Variants in RARB observed in about 807,000 individuals in gnomAD.
RARB encodes the protein HBV-activated protein.
A neutral mutation model predicts 51.9 loss-of-function variants in RARB; 17 were observed. That is an observed-to-expected ratio of 0.33 (90% CI 0.22 to 0.49). RARB has a LOEUF of 0.49. Among genes scored for constraint, RARB ranks in the 20% least tolerant of loss-of-function variants. RARB has a pLI of 0.99. For missense variants in RARB, 369 were observed against 550.8 expected (o/e 0.67, Z 3.30); for synonymous variants, 215 against 195.4 (o/e 1.10, Z -0.84).
rs184962732 is a variant in RARB at position 25,302,795 on chromosome 3, A to G, written c.178+128220A>G. On this transcript the variant is annotated intron_variant, in intron 5 of 11. Coordinates refer to the RARB transcript ENST00000383772. ...TCAAGCCATTTTTTAAAAAGCCTCC[A>G]CCAAAGCTGGGCTGTGCCCCCATGG... Among the ~76,000 whole-genome samples, 522 of 152,268 alleles carry G rather than the reference A, an allele frequency of 3.4e-3. 10 individuals carry two copies. The highest frequency in any genetic ancestry group is 0.031 in the Admixed American group (472 of 15,292).
chr3:25,005,513 G>A (rs1215305590), intron 2 of RARB, among the ~76,000 whole-genome samples: 1 of 152,142 alleles, frequency 6.6e-6, no homozygotes, highest in Non-Finnish European at 1.5e-5. Context: ...GGCATCTCTA[G>A]AGGCCTGCAT....
upstream of RARB, among the ~76,000 whole-genome samples, chr3:25,425,270 G>A (rs78060455): frequency 2.1e-3 from 327 of 152,114 alleles, 1 homozygote; most frequent in African/African-American, 7.4e-3. Flanking sequence ...TATAGTGCAC[G>A]GATCTGTATT....
chr3:25,309,644 C>T (rs375678484), intron 5 of RARB, among the ~76,000 whole-genome samples: 13 of 151,218 alleles, frequency 8.6e-5, no homozygotes, highest in African/African-American at 1.5e-4. Context: ...ATTACAGGTG[C>T]GCACCACCAC....
chr3:25,555,069 TTA>T (rs1202839171), intron 3 of RARB, among the ~76,000 whole-genome samples: 1 of 152,220 alleles, frequency 6.6e-6, no homozygotes, highest in Non-Finnish European at 1.5e-5. Flanking sequence ...AACATGAGTT[TTA>T]GAGGGGAAAA....
intron 3 of RARB, among the ~76,000 whole-genome samples, chr3:25,109,955 T>C (rs1699572327): frequency 6.6e-6 from 1 of 152,212 alleles, no homozygotes; most frequent in African/African-American, 2.4e-5. Flanking sequence ...GCTTCCCATC[T>C]CGCTTATGAG....
intron 5 of RARB, among the ~76,000 whole-genome samples, chr3:25,260,801 C>G (rs1401390240): frequency 6.6e-6 from 1 of 152,122 alleles, no homozygotes; most frequent in Admixed American, 6.6e-5. Flanking sequence ...TGACCTTAGG[C>G]AAGTTGATTA....
At chr3:25,319,022 A>C (rs151036270) in intron 5 of RARB, among the ~76,000 whole-genome samples, 254 of 152,344 alleles carry the variant, frequency 1.7e-3, no homozygotes, top group Non-Finnish European at 3.2e-3. Context: ...GACGTAATTT[A>C]GCTGTTAATG....
Position 25,580,658 on chromosome 3 carries a change from G to T in RARB, c.722G>T (p.Gly241Val). The change falls in exon 5 of 8, where the codon GGT becomes GTT. Residue 241 changes from glycine to valine, a missense_variant. Around this residue, in one of 9 missense-constraint regions of RARB, gnomAD observed 49 missense variants for 103.4 expected, o/e 0.47. Coordinates refer to ENST00000330688, the MANE Select transcript of RARB (RefSeq NM_000965.5). ...GTGGAGTTTGCTAAACGTCTGCCTG[G>T]TTTCACTGGCTTGACCATCGCAGAC... ...KIVEFAKRLP[G>V]FTGLTIADQI... 6.2e-7 allele frequency: 1 copy of T among 1,613,120 alleles called. No individual in the cohort carries two copies. Among genetic ancestry groups the T allele is most frequent in the Non-Finnish European group, 8.5e-7 (1 of 1,179,246 alleles).
chr3:25,220,282 G>A (rs958029762), intron 5 of RARB, among the ~76,000 whole-genome samples: 2 of 152,132 alleles, frequency 1.3e-5, no homozygotes. Flanking sequence ...CAATTTTTCT[G>A]TATGTAGGAA....
intron 5 of RARB, among the ~76,000 whole-genome samples, chr3:25,242,481 T>C (rs1702457238): frequency 6.6e-6 from 1 of 152,184 alleles, no homozygotes; most frequent in African/African-American, 2.4e-5. Context: ...TTAATCTTTG[T>C]ATAAGGTGAA....
Position 25,330,422 on chromosome 3 carries a change from T to C in RARB, c.179-130771T>C, listed in dbSNP as rs532345246. Among the ~76,000 whole-genome samples, 4 of 152,200 alleles carry C rather than the reference T, an allele frequency of 2.6e-5. No homozygotes were observed. The East Asian group carries it at 7.7e-4, about 29-fold the overall frequency. On this transcript the variant is annotated intron_variant, in intron 5 of 11. Transcript: ENST00000383772. The stretch of plus-strand genomic sequence containing the variant: ...TCATATCCAGCCAAACTAAGCTTCA[T>C]AAGTGAAGGAGAAATAAAATCCTTT...
chr3:25,467,159 C>A (rs1415321062), intron 2 of RARB, among the ~76,000 whole-genome samples: 2 of 152,190 alleles, frequency 1.3e-5, no homozygotes, highest in Non-Finnish European at 2.9e-5. Flanking sequence ...TAGAAGTATC[C>A]AGGTAATTGA....
intron 5 of RARB, among the ~76,000 whole-genome samples, chr3:25,372,550 G>A (rs76459417): frequency 1.6e-3 from 246 of 152,296 alleles, no homozygotes; most frequent in African/African-American, 5.8e-3. Flanking sequence ...AGCTGGGTGC[G>A]GTGGCTCACA....
chr3:25,052,099 T>C (rs1303567767), intron 2 of RARB, among the ~76,000 whole-genome samples: 1 of 152,204 alleles, frequency 6.6e-6, no homozygotes, highest in Non-Finnish European at 1.5e-5. Context: ...GAAAAGGTCC[T>C]CATACCCATT....
chr3:25,338,950 C>G (rs1037575276), intron 5 of RARB, among the ~76,000 whole-genome samples: 2 of 152,062 alleles, frequency 1.3e-5, no homozygotes, highest in African/African-American at 4.8e-5. Context: ...CAGTTGAGAT[C>G]CATTCTGAGT....
At chr3:25,418,152 G>A (rs748472364) in intron 5 of RARB, among the ~76,000 whole-genome samples, 2 of 152,220 alleles carry the variant, frequency 1.3e-5, no homozygotes, top group African/African-American at 4.8e-5. Flanking sequence ...AGGAGGCTGG[G>A]AAATATGGTG....
intron 2 of RARB, among the ~76,000 whole-genome samples, chr3:24,995,242 T>C (rs961164805): frequency 6.8e-6 from 1 of 147,828 alleles, no homozygotes; most frequent in African/African-American, 2.5e-5. Context: ...TTTTTTTTTA[T>C]AGCTTTTGTA....
chr3:25,021,256 G>A (rs924649198), intron 2 of RARB, among the ~76,000 whole-genome samples: 10 of 152,150 alleles, frequency 6.6e-5, no homozygotes, highest in African/African-American at 2.2e-4. Context: ...ATGTATGTAA[G>A]CATTGAATCT....
At chr3:25,134,493 G>A (rs1053366865) in intron 4 of RARB, among the ~76,000 whole-genome samples, 1 of 151,836 alleles carries the variant, frequency 6.6e-6, no homozygotes, top group Non-Finnish European at 1.5e-5. Context: ...CTTCCTAACA[G>A]GTTTATTGTG....
Sources: allele counts gnomAD v4.1 joint callset (sites outside exome capture counted in the v4.1 genomes callset), GRCh38; gene constraint gnomAD v4.1.1; regional missense constraint gnomAD v4.1.1; transcripts MANE v1.5; gene names NCBI Gene and HGNC (gene_info 2026-07-23, HGNC 2026-07-21).